LRGUK: variants seen among roughly 807,000 people sequenced by gnomAD.
LRGUK encodes the protein leucine-rich repeat and guanylate kinase domain-containing protein.
LRGUK carries 65 observed loss-of-function variants against 76.0 expected under a neutral mutation model. The ratio of observed to expected loss-of-function variants is 0.85; its 90% CI spans 0.70 to 1.05. The LOEUF is 1.05. LRGUK is among the 50% of genes least tolerant of loss of function. The probability of loss-of-function intolerance (pLI) is 0.00; values close to 1 mark genes in which losing one functional copy is unlikely to be tolerated. For missense variants in LRGUK, 758 were observed against 732.8 expected (o/e 1.03, Z -0.40); for synonymous variants, 268 against 265.6 (o/e 1.01, Z -0.09).
At chr7:134,241,218 T>C (rs1472146631) in intron 16 of LRGUK, among the ~76,000 whole-genome samples, 2 of 152,180 alleles carry the variant, frequency 1.3e-5, no homozygotes, top group Non-Finnish European at 2.9e-5. Flanking sequence ...ACCTTAAATG[T>C]AAATGGGCTA....
intron 4 of LRGUK, among the ~76,000 whole-genome samples, chr7:134,144,513 T>C (rs1797892382): frequency 6.6e-6 from 1 of 152,236 alleles, no homozygotes; most frequent in Admixed American, 6.5e-5. Context: ...GGTTTTGTGA[T>C]TAGTGTTGTT....
At chr7:134,247,423 T>G (rs1406355069) in intron 16 of LRGUK, 133 bp from the exon 17 acceptor site, 1 of 539,706 alleles carries the variant, frequency 1.9e-6, no homozygotes, top group African/African-American at 2.8e-5. Flanking sequence ...TATCAATTGT[T>G]TTTTATGCCT....
chr7:134,216,496 C>T (rs1395304050), intron 15 of LRGUK, among the ~76,000 whole-genome samples: 6 of 152,202 alleles, frequency 3.9e-5, no homozygotes, highest in Middle Eastern at 3.4e-3. Context: ...AGTAGGGAAA[C>T]ATCAATTCTG....
At chr7:134,142,162 G>A (rs1797792877) in intron 3 of LRGUK, among the ~76,000 whole-genome samples, 1 of 152,170 alleles carries the variant, frequency 6.6e-6, no homozygotes, top group South Asian at 2.1e-4. Context: ...TCCCCAGGAG[G>A]TTGTAATAGC....
intron 7 of LRGUK, 97 bp downstream of exon 7, chr7:134,163,637 G>A (rs750493656): frequency 3.8e-5 from 41 of 1,090,404 alleles, no homozygotes; most frequent in Admixed American, 2.6e-4. Context: ...TCTTAAGGGC[G>A]GACACATTAA....
At chr7:134,259,463 TTTGCCTGAACCCTGC>T (rs1802666486) in intron 19 of LRGUK, among the ~76,000 whole-genome samples, 1 of 152,082 alleles carries the variant, frequency 6.6e-6, no homozygotes, top group South Asian at 2.1e-4. Context: ...GAGGGGATGT[TTTGCCTGAACCCTGC>T]TTGCTCAGGT....
the LRGUK span, among the ~76,000 whole-genome samples, chr7:134,275,920 A>G: frequency 2.0e-5 from 3 of 152,234 alleles, no homozygotes; most frequent in Non-Finnish European, 4.4e-5. Context: ...AAAATGTTTA[A>G]TATATCAAAT....
At chr7:134,163,372 T>C (rs748822910) in intron 6 of LRGUK, 25 bp from the exon 7 acceptor site, 13 of 1,591,940 alleles carry the variant, frequency 8.2e-6, no homozygotes, top group Non-Finnish European at 9.4e-6. Flanking sequence ...CTTTGAGACA[T>C]TAAATATATT....
At chr7:134,166,857 C>T (rs1004733625) in intron 7 of LRGUK, among the ~76,000 whole-genome samples, 3 of 152,194 alleles carry the variant, frequency 2.0e-5, no homozygotes, top group Admixed American at 6.5e-5. Flanking sequence ...GCATTACCCC[C>T]CTCTTCACTG....
downstream of LRGUK, among the ~76,000 whole-genome samples, chr7:134,213,529 G>A (rs1044395464): frequency 9.2e-5 from 14 of 152,220 alleles, no homozygotes; most frequent in South Asian, 2.1e-4. Context: ...AAGAATTTTC[G>A]AAATTTAAAA....
At chr7:134,162,930 C>T (rs1195428702) in intron 6 of LRGUK, among the ~76,000 whole-genome samples, 1 of 151,426 alleles carries the variant, frequency 6.6e-6, no homozygotes, top group Non-Finnish European at 1.5e-5. Context: ...AGACTACTAG[C>T]ACCCTCACCA....
At chr7:134,263,929 C>T in exon 20 of LRGUK, 1 of 1,612,802 alleles carries the variant, frequency 6.2e-7, no homozygotes, top group South Asian at 1.1e-5. Flanking sequence ...CGCCCAGGTT[C>T]CAACGTCAAA....
At chr7:134,271,553 C>G in the LRGUK span, among the ~76,000 whole-genome samples, 3 of 151,880 alleles carry the variant, frequency 2.0e-5, no homozygotes, top group Non-Finnish European at 1.5e-5. Context: ...AATACCCTCT[C>G]TCTCATAGAT....
At chr7:134,265,430 G>T (rs1802838558), downstream of LRGUK, among the ~76,000 whole-genome samples, 1 of 152,004 alleles carries the variant, frequency 6.6e-6, no homozygotes, top group African/African-American at 2.4e-5. Context: ...TCTGAGTTTG[G>T]TTTTCCTCAT....
intron 11 of LRGUK, among the ~76,000 whole-genome samples, chr7:134,185,506 C>CA (rs1356759033): frequency 6.7e-6 from 1 of 148,574 alleles, no homozygotes; most frequent in Non-Finnish European, 1.5e-5. Context: ...CCAGCCTGGG[C>CA]AACAGAGCGA....
chr7:134,234,247 AC>A (rs1387778495), intron 16 of LRGUK, among the ~76,000 whole-genome samples: 2 of 152,076 alleles, frequency 1.3e-5, no homozygotes, highest in Admixed American at 1.3e-4. Context: ...ACCCTCAGAT[AC>A]CACAGTCTGC....
chr7:134,239,073 T>C (rs916643452), intron 16 of LRGUK, among the ~76,000 whole-genome samples: 3 of 152,200 alleles, frequency 2.0e-5, no homozygotes, highest in African/African-American at 7.2e-5. Context: ...CCAGCTCCTT[T>C]AGAAGTTCCT....
chr7:134,245,200 AAAAAC>A (rs1172539818), intron 16 of LRGUK, among the ~76,000 whole-genome samples: 2 of 152,194 alleles, frequency 1.3e-5, no homozygotes, highest in Non-Finnish European at 2.9e-5. Flanking sequence ...AAAACAAACA[AAAAAC>A]AAAACAAAAA....
At chr7:134,174,629 C>G in exon 8 of LRGUK, 2 of 1,574,630 alleles carry the variant, frequency 1.3e-6, no homozygotes. Flanking sequence ...CTAGAAAATC[C>G]AATTCAGGTG....
Sources: gnomAD v4.1 joint callset for allele counts (sites outside exome capture counted in the v4.1 genomes callset) on GRCh38, gnomAD v4.1.1 for gene constraint, MANE v1.5 for transcripts, NCBI Gene and HGNC (gene_info 2026-07-23, HGNC 2026-07-21) for gene names.